Variants in CEP112 observed in about 807,000 individuals in gnomAD.
CEP112 encodes centrosomal protein 112.
A neutral mutation model predicts 153.0 loss-of-function variants in CEP112; 127 were observed. The observed-to-expected ratio is 0.83, with a 90% CI of 0.72 to 0.96. The LOEUF is 0.96. Among genes scored for constraint, CEP112 ranks in the 40% least tolerant of loss-of-function variants. The pLI, the probability that CEP112 is intolerant of heterozygous loss-of-function variation, is 0.00. For synonymous variants in CEP112, 358 were observed against 374.4 expected, an observed-to-expected ratio of 0.96 and a Z score of 0.51; for missense variants, 1,089 against 1,101.2, an observed-to-expected ratio of 0.99 and a Z score of 0.16.
At chr17:65,904,257 C>T (rs938667939) in intron 19 of CEP112, among the ~76,000 whole-genome samples, 1 of 152,212 alleles carries the variant, frequency 6.6e-6, no homozygotes. Flanking sequence ...AGCAAAGTCT[C>T]AGGACACAAA....
chr17:65,740,415 A>G (rs1282539451), intron 23 of CEP112, among the ~76,000 whole-genome samples: 1 of 152,234 alleles, frequency 6.6e-6, no homozygotes, highest in Non-Finnish European at 1.5e-5. Flanking sequence ...AAGGCTAGGT[A>G]TATCTCTCAG....
At position 66,021,987 on chromosome 17, in the gene CEP112, G is replaced by A. The variant is rs532138877; in HGVS notation, c.1656+5514C>T. Reference sequence around the variant, plus strand: ...GACCTGCAAACCCCATAGTAAATCTGCTGACACAAATGCACAGTGCTTGGG... The same window carrying A: ...GACCTGCAAACCCCATAGTAAATCTACTGACACAAATGCACAGTGCTTGGG... On this transcript the variant is annotated intron_variant, in intron 16 of 26. Coordinates refer to ENST00000535342, the MANE Select transcript of CEP112 (RefSeq NM_001199165.4). 1.4e-4 allele frequency among the ~76,000 whole-genome samples: 22 copies of A among 152,300 alleles called. 1 individual carries two copies. In the South Asian group the frequency reaches 4.6e-3, roughly 32 times the overall value.
At position 65,760,703 on chromosome 17, in the gene CEP112, AT is replaced by A. The variant is rs529245077; in HGVS notation, c.2395-9980del. 1.4e-3 allele frequency among the ~76,000 whole-genome samples: 216 copies of A among 151,914 alleles called. 1 individual carries two copies. The highest frequency in any genetic ancestry group is 6.8e-3 in the Middle Eastern group (2 of 294). ...GTTAATGGAATATAATGGTTAATAG[AT>A]TTTTTTTCTTATAATGCTTCTGTCT... On this transcript the variant is annotated intron_variant, in intron 21 of 26. Transcript: ENST00000535342.
In CEP112 at chr17:66,109,685, C is replaced by CA. The variant is rs201600265; in HGVS notation, c.643-13054dup. On this transcript the variant is annotated intron_variant, in intron 6 of 26. Coordinates refer to ENST00000535342, the MANE Select transcript of CEP112 (RefSeq NM_001199165.4). ...TCCATTTTGGACAGTCTCGATGTTG[C>CA]AAAAAATGTCAATTCTTAAGTTGAT... Among the ~76,000 whole-genome samples, 1,013 of 151,922 alleles carry CA rather than the reference C, an allele frequency of 6.7e-3. 6 individuals are homozygous for CA. The highest frequency in any genetic ancestry group is 0.011 in the Non-Finnish European group (756 of 67,944).
chr17:65,956,093 C>T (rs2061992173), intron 18 of CEP112, among the ~76,000 whole-genome samples: 1 of 152,128 alleles, frequency 6.6e-6, no homozygotes, highest in African/African-American at 2.4e-5. Context: ...TAGACCATAA[C>T]AGGCCACAAA....
intron 23 of CEP112, among the ~76,000 whole-genome samples, chr17:65,696,331 G>C (rs962787978): frequency 2.0e-5 from 3 of 152,218 alleles, no homozygotes; most frequent in African/African-American, 7.2e-5. Flanking sequence ...TGATGGGGCA[G>C]AGTGTAAATG....
intron 24 of CEP112, among the ~76,000 whole-genome samples, chr17:65,669,771 A>T (rs930223524): frequency 3.3e-5 from 5 of 152,052 alleles, no homozygotes; most frequent in Non-Finnish European, 5.9e-5. Context: ...GGCATGGTGG[A>T]GGGCACCTGT....
At chr17:65,734,698 T>C (rs2050698543) in intron 23 of CEP112, among the ~76,000 whole-genome samples, 1 of 152,212 alleles carries the variant, frequency 6.6e-6, no homozygotes, top group Non-Finnish European at 1.5e-5. Context: ...TTGCAAGATG[T>C]TATTTTGATT....
intron 12 of CEP112, among the ~76,000 whole-genome samples, chr17:66,048,277 A>G (rs567670129): frequency 6.6e-6 from 1 of 152,292 alleles, no homozygotes; most frequent in East Asian, 1.9e-4. Flanking sequence ...GTAATTATGA[A>G]GCTGTAATAG....
intron 17 of CEP112, among the ~76,000 whole-genome samples, chr17:65,970,165 G>A (rs78037912): frequency 0.054 from 8,064 of 148,648 alleles, 247 homozygotes; most frequent in African/African-American, 0.11. Flanking sequence ...TAGCAAACAT[G>A]CATATTACAT....
At chr17:66,124,419 T>C (rs1182679077) in intron 6 of CEP112, among the ~76,000 whole-genome samples, 1 of 152,126 alleles carries the variant, frequency 6.6e-6, no homozygotes, top group African/African-American at 2.4e-5. Context: ...AAAAAAAAAG[T>C]ATATAAAATG....
chr17:65,678,505 T>C (rs766141763), intron 24 of CEP112, among the ~76,000 whole-genome samples: 8 of 152,138 alleles, frequency 5.3e-5, no homozygotes, highest in Non-Finnish European at 8.8e-5. Context: ...GCCAAAACTG[T>C]CTTAAAAATT....
intron 16 of CEP112, among the ~76,000 whole-genome samples, chr17:66,010,703 C>G (rs1218174941): frequency 6.6e-6 from 1 of 152,118 alleles, no homozygotes; most frequent in East Asian, 1.9e-4. Flanking sequence ...TTTTCTGCAG[C>G]TATTGAGATG....
chr17:65,957,248 A>G (rs763554979), intron 18 of CEP112, among the ~76,000 whole-genome samples: 33 of 152,250 alleles, frequency 2.2e-4, no homozygotes, highest in Non-Finnish European at 4.1e-4. Flanking sequence ...TAAAAAAATA[A>G]AACGCTAAAA....
chr17:66,100,148 T>C (rs2068507023), intron 6 of CEP112, among the ~76,000 whole-genome samples: 1 of 151,682 alleles, frequency 6.6e-6, no homozygotes, highest in African/African-American at 2.4e-5. Context: ...CTGGACATGG[T>C]GGCTCATGCC....
intron 4 of CEP112, among the ~76,000 whole-genome samples, chr17:66,151,139 C>G (rs566681699): frequency 2.6e-5 from 4 of 152,084 alleles, no homozygotes; most frequent in Non-Finnish European, 4.4e-5. Flanking sequence ...TTTATCCAAT[C>G]CAAAAAGCAC....
At chr17:65,969,087 T>TA (rs1031405522) in intron 17 of CEP112, among the ~76,000 whole-genome samples, 2 of 129,866 alleles carry the variant, frequency 1.5e-5, no homozygotes, top group African/African-American at 6.4e-5. Flanking sequence ...TGTGGATTTT[T>TA]TTTTTTTTTT....
At chr17:66,085,701 G>A (rs985364883) in intron 8 of CEP112, among the ~76,000 whole-genome samples, 26 of 152,086 alleles carry the variant, frequency 1.7e-4, no homozygotes, top group Non-Finnish European at 3.2e-4. Flanking sequence ...GAAATGGGCT[G>A]AGCACGGTGG....
chr17:65,772,538 CT>C (rs1205051738), intron 21 of CEP112, among the ~76,000 whole-genome samples: 13 of 151,604 alleles, frequency 8.6e-5, no homozygotes, highest in African/African-American at 2.4e-5. Context: ...CTCAAAGTGA[CT>C]CAAGAATTAG....
Sources: allele counts gnomAD v4.1 joint callset (sites outside exome capture counted in the v4.1 genomes callset), GRCh38; gene constraint gnomAD v4.1.1; transcripts MANE v1.5; gene names NCBI Gene and HGNC (gene_info 2026-07-23, HGNC 2026-07-21).